The following CTDSPL variants were observed in gnomAD, a reference collection of about 807,000 sequenced individuals.
CTDSPL encodes the protein CTD small phosphatase-like protein.
Under a neutral mutation model 30.5 loss-of-function variants are expected in CTDSPL, and 8 were observed. The ratio of observed to expected loss-of-function variants is 0.26; its 90% CI spans 0.15 to 0.47. The LOEUF (loss-of-function observed/expected upper bound fraction) is 0.47, where lower values mean the gene tolerates loss of function less well. Among genes scored for constraint, CTDSPL ranks in the 20% least tolerant of loss-of-function variants. The probability of loss-of-function intolerance (pLI) is 0.99; values close to 1 mark genes in which losing one functional copy is unlikely to be tolerated. For missense variants in CTDSPL, 248 were observed against 366.1 expected, an observed-to-expected ratio of 0.68 and a Z score of 2.63; for synonymous variants, 110 against 137.9, an observed-to-expected ratio of 0.80 and a Z score of 1.42.
At chr3:37,914,966 C>T (rs1447358150) in intron 1 of CTDSPL, among the ~76,000 whole-genome samples, 1 of 143,978 alleles carries the variant, frequency 6.9e-6, no homozygotes, top group Non-Finnish European at 1.5e-5. Context: ...ACTGCAGCCT[C>T]AACCTCCTCC....
intron 1 of CTDSPL, among the ~76,000 whole-genome samples, chr3:37,866,967 T>C (rs1698017262): frequency 6.6e-6 from 1 of 152,226 alleles, no homozygotes; most frequent in African/African-American, 2.4e-5. Context: ...CTATGCCCTC[T>C]ACCCGGTTTC....
intron 1 of CTDSPL, among the ~76,000 whole-genome samples, chr3:37,867,313 G>A (rs1463462303): frequency 6.6e-6 from 1 of 151,874 alleles, no homozygotes; most frequent in Non-Finnish European, 1.5e-5. Flanking sequence ...TTGCTCAATT[G>A]TATTCCATGA....
intron 2 of CTDSPL, among the ~76,000 whole-genome samples, chr3:37,952,382 T>TCTG (rs1407965763): frequency 6.6e-6 from 1 of 152,260 alleles, no homozygotes; most frequent in Admixed American, 6.5e-5. Flanking sequence ...CTTCTGTCTT[T>TCTG]CTGCTCCCCT....
At chr3:37,922,891 G>GGCTT (rs1698733861) in intron 1 of CTDSPL, among the ~76,000 whole-genome samples, 1 of 152,224 alleles carries the variant, frequency 6.6e-6, no homozygotes, top group Non-Finnish European at 1.5e-5. Flanking sequence ...AGAGCCCACA[G>GGCTT]GCTTGGCATT....
At position 37,929,972 on chromosome 3, in the gene CTDSPL, G is replaced by A. The variant is rs545644617; in HGVS notation, c.80-17085G>A. On this transcript the variant is annotated intron_variant, in intron 1 of 7. Transcript: ENST00000273179. Reference sequence around the variant, plus strand: ...AAAATACAAAAATTAGCTGGGCATGGTGGTGCGTCCTGTAATCCCAGCTAT... The same window carrying A: ...AAAATACAAAAATTAGCTGGGCATGATGGTGCGTCCTGTAATCCCAGCTAT... Among the ~76,000 whole-genome samples, 462 of 152,172 alleles carry A rather than the reference G, an allele frequency of 3.0e-3. 2 individuals carry two copies. The highest frequency in any genetic ancestry group is 4.4e-3 in the Non-Finnish European group (297 of 68,000).
chr3:37,898,122 G>A (rs895191696), intron 1 of CTDSPL, among the ~76,000 whole-genome samples: 11 of 152,058 alleles, frequency 7.2e-5, no homozygotes, highest in Non-Finnish European at 1.3e-4. Context: ...ATTTATTGCC[G>A]GAATGAGTCC....
At chr3:37,969,728 TCCTCA>T (rs1699344885) in intron 5 of CTDSPL, among the ~76,000 whole-genome samples, 1 of 152,158 alleles carries the variant, frequency 6.6e-6, no homozygotes, top group Non-Finnish European at 1.5e-5. Flanking sequence ...GCCTCCCAGC[TCCTCA>T]GAGCTGTGTT....
chr3:37,970,982 C>A (rs1156259714), intron 5 of CTDSPL, among the ~76,000 whole-genome samples: 4 of 152,214 alleles, frequency 2.6e-5, no homozygotes, highest in African/African-American at 9.7e-5. Flanking sequence ...ACCTGCTGGG[C>A]AATATGCTGG....
At chr3:37,960,505 AATATATATAT>A (rs1379736177) in intron 3 of CTDSPL, among the ~76,000 whole-genome samples, 4 of 38,518 alleles carry the variant, frequency 1.0e-4, no homozygotes, top group East Asian at 1.7e-3. Flanking sequence ...AAAAAAAAAA[AATATATATAT>A]ATATATATAT....
At chr3:37,957,600 CA>C (rs1559644225) in intron 3 of CTDSPL, among the ~76,000 whole-genome samples, 1 of 152,204 alleles carries the variant, frequency 6.6e-6, no homozygotes, top group Non-Finnish European at 1.5e-5. Flanking sequence ...TCTAACTTAT[CA>C]GTGGTAGCAT....
At chr3:37,955,344 C>T (rs1357543192) in intron 2 of CTDSPL, among the ~76,000 whole-genome samples, 2 of 152,164 alleles carry the variant, frequency 1.3e-5, no homozygotes, top group Non-Finnish European at 2.9e-5. Flanking sequence ...AGGAGGATGG[C>T]TTGAGCCAGG....
At chr3:37,928,980 C>A (rs1698818075) in intron 1 of CTDSPL, among the ~76,000 whole-genome samples, 5 of 152,092 alleles carry the variant, frequency 3.3e-5, no homozygotes, top group Admixed American at 3.3e-4. Context: ...AAAGGTCCAA[C>A]TTCATTCTTT....
chr3:37,917,747 A>G (rs1322155700), intron 1 of CTDSPL, among the ~76,000 whole-genome samples: 1 of 152,198 alleles, frequency 6.6e-6, no homozygotes, highest in African/African-American at 2.4e-5. Flanking sequence ...TTCATTCTTT[A>G]ATTCCTTCAA....
At chr3:37,865,286 G>A (rs546769055) in intron 1 of CTDSPL, among the ~76,000 whole-genome samples, 2 of 152,328 alleles carry the variant, frequency 1.3e-5, no homozygotes, top group East Asian at 3.9e-4. Flanking sequence ...ATGTCCAACA[G>A]TACAGTAGAA....
At chr3:37,912,413 GAGGGAGAGGCTT>G (rs1388992241) in intron 1 of CTDSPL, among the ~76,000 whole-genome samples, 2 of 152,210 alleles carry the variant, frequency 1.3e-5, no homozygotes, top group African/African-American at 4.8e-5. Flanking sequence ...ATCTCTGGGT[GAGGGAGAGGCTT>G]AGTAAACAAA....
intron 1 of CTDSPL, among the ~76,000 whole-genome samples, chr3:37,872,039 C>T (rs563157175): frequency 3.9e-5 from 6 of 152,214 alleles, no homozygotes; most frequent in Middle Eastern, 3.4e-3. Context: ...CAGGCTAGAG[C>T]GGAGTGCAGT....
chr3:37,948,021 C>A (rs1415150153), intron 2 of CTDSPL, among the ~76,000 whole-genome samples: 2 of 152,224 alleles, frequency 1.3e-5, no homozygotes, highest in Non-Finnish European at 2.9e-5. Flanking sequence ...TGGTGGCTCA[C>A]GCCTGTAATC....
chr3:37,891,934 C>T (rs1698332791), intron 1 of CTDSPL, among the ~76,000 whole-genome samples: 1 of 152,138 alleles, frequency 6.6e-6, no homozygotes, highest in Admixed American at 6.5e-5. Flanking sequence ...ATGTACTTTA[C>T]AACAGCTATA....
chr3:37,874,010 A>AT (rs1290724527), intron 1 of CTDSPL, among the ~76,000 whole-genome samples: 1 of 152,240 alleles, frequency 6.6e-6, no homozygotes, highest in Non-Finnish European at 1.5e-5. Context: ...TTTGTTTCTC[A>AT]GTTAAGGAAG....
Sources: allele counts gnomAD v4.1 joint callset (sites outside exome capture counted in the v4.1 genomes callset), GRCh38; gene constraint gnomAD v4.1.1; transcripts MANE v1.5; gene names NCBI Gene and HGNC (gene_info 2026-07-23, HGNC 2026-07-21).